The following OR2L13 variants were observed in gnomAD, a reference collection of about 807,000 sequenced individuals.
OR2L13 encodes olfactory receptor family 2 subfamily L member 13.
In OR2L13, 14 loss-of-function variants were observed where a neutral mutation model predicts 15.3. The ratio of observed to expected loss-of-function variants is 0.91; its 90% confidence interval spans 0.60 to 1.43. The LOEUF (loss-of-function observed/expected upper bound fraction) is 1.43, where lower values mean the gene tolerates loss of function less well. Among genes scored for constraint, OR2L13 ranks in the 40% most tolerant of loss-of-function variants. The pLI, the probability that OR2L13 is intolerant of heterozygous loss-of-function variation, is 0.00. For missense variants in OR2L13, 367 were observed against 387.9 expected, an observed-to-expected ratio of 0.95 and a Z score of 0.45; for synonymous variants, 152 against 142.9, an observed-to-expected ratio of 1.06 and a Z score of -0.45.
chr1:248,053,014 C>T, the OR2L13 span, among the ~76,000 whole-genome samples: 1 of 151,802 alleles, frequency 6.6e-6, no homozygotes, highest in Non-Finnish European at 1.5e-5. Flanking sequence ...CATGGGTAAA[C>T]GTGTGCCATG....
the OR2L13 span, among the ~76,000 whole-genome samples, chr1:248,044,903 A>T: frequency 6.7e-6 from 1 of 149,058 alleles, no homozygotes; most frequent in South Asian, 2.1e-4. Flanking sequence ...CCTTCAGCTG[A>T]CCTATGATTA....
chr1:247,993,781 G>GAGAGAGAGAGAGAGAGAA, the OR2L13 span, among the ~76,000 whole-genome samples: 1 of 135,410 alleles, frequency 7.4e-6, no homozygotes, highest in Non-Finnish European at 1.5e-5. Context: ...GAGAGAGAGA[G>GAGAGAGAGAGAGAGAGAA]AGAGAGAGAG....
the OR2L13 span, among the ~76,000 whole-genome samples, chr1:247,960,314 G>T: frequency 1.3e-5 from 2 of 152,316 alleles, no homozygotes; most frequent in Admixed American, 1.3e-4. Flanking sequence ...TTGTCTCAGA[G>T]GAGTACCAGG....
chr1:248,021,172 T>A, the OR2L13 span, among the ~76,000 whole-genome samples: 1 of 152,130 alleles, frequency 6.6e-6, no homozygotes, highest in South Asian at 2.1e-4. Context: ...AACATTCCTA[T>A]CCTTTTGAAG....
At chr1:247,992,103 C>T in the OR2L13 span, among the ~76,000 whole-genome samples, 1 of 149,110 alleles carries the variant, frequency 6.7e-6, no homozygotes, top group Admixed American at 6.6e-5. Context: ...AACCTCTCCT[C>T]CTCTTCCTAC....
chr1:248,026,662 A>G, the OR2L13 span, among the ~76,000 whole-genome samples: 2 of 152,196 alleles, frequency 1.3e-5, no homozygotes, highest in African/African-American at 2.4e-5. Context: ...TGAAGATTTC[A>G]TGGACATTTA....
chr1:248,015,606 C>T, the OR2L13 span, among the ~76,000 whole-genome samples: 1 of 152,090 alleles, frequency 6.6e-6, no homozygotes. Flanking sequence ...TTCAGAGTTT[C>T]AGAACTTTAG....
chr1:248,083,474 A>G, the OR2L13 span: 8 of 634,886 alleles, frequency 1.3e-5, no homozygotes, highest in South Asian at 2.1e-5. Flanking sequence ...ATGCTCAAAA[A>G]TGGTATCTCT....
chr1:248,075,621 T>C, the OR2L13 span, among the ~76,000 whole-genome samples: 1 of 152,246 alleles, frequency 6.6e-6, no homozygotes, highest in African/African-American at 2.4e-5. Context: ...GAGCATTTTT[T>C]CATTTGTCTT....
At chr1:248,060,837 C>T in the OR2L13 span, 36 of 1,613,958 alleles carry the variant, frequency 2.2e-5, no homozygotes, top group South Asian at 1.4e-4. Context: ...TCTTGGACAC[C>T]CATCTCCACA....
chr1:248,094,635 C>T (rs935072336), upstream of OR2L13, among the ~76,000 whole-genome samples: 1 of 152,276 alleles, frequency 6.6e-6, no homozygotes. Flanking sequence ...TCAGCTTTCA[C>T]TTTAGTAGAA....
At chr1:247,987,222 T>G in the OR2L13 span, among the ~76,000 whole-genome samples, 1 of 152,240 alleles carries the variant, frequency 6.6e-6, no homozygotes, top group Non-Finnish European at 1.5e-5. Flanking sequence ...TATTGTTGCA[T>G]GCTGCAATTT....
chr1:248,022,377 A>G, the OR2L13 span: 2 of 1,614,034 alleles, frequency 1.2e-6, no homozygotes, highest in Non-Finnish European at 1.7e-6. Flanking sequence ...TGTGCTGATG[A>G]TAACAGGATC....
At chr1:248,082,253 A>G in the OR2L13 span, among the ~76,000 whole-genome samples, 1 of 144,656 alleles carries the variant, frequency 6.9e-6, no homozygotes, top group African/African-American at 2.6e-5. Context: ...CAAAAAACCA[A>G]ACACCACATA....
the OR2L13 span, among the ~76,000 whole-genome samples, chr1:247,997,766 G>A: frequency 3.9e-5 from 6 of 152,122 alleles, no homozygotes; most frequent in Non-Finnish European, 5.9e-5. Context: ...ATTTCTGAAC[G>A]TTGGACTAAG....
the OR2L13 span, among the ~76,000 whole-genome samples, chr1:248,025,072 G>A: frequency 3.3e-5 from 5 of 151,446 alleles, no homozygotes; most frequent in Non-Finnish European, 7.4e-5. Context: ...CAAAAGCAAT[G>A]GCAACAAAAG....
At chr1:248,081,867 A>G in the OR2L13 span, among the ~76,000 whole-genome samples, 2 of 152,296 alleles carry the variant, frequency 1.3e-5, no homozygotes, top group East Asian at 3.9e-4. Context: ...CTCTATATGA[A>G]GCAGGAAACT....
chr1:247,962,526 G>A, the OR2L13 span, among the ~76,000 whole-genome samples: 2 of 152,168 alleles, frequency 1.3e-5, no homozygotes, highest in Non-Finnish European at 2.9e-5. Context: ...TATCTCATAA[G>A]TATTGAATGG....
the OR2L13 span, among the ~76,000 whole-genome samples, chr1:247,945,820 C>T: frequency 2.0e-5 from 3 of 152,234 alleles, no homozygotes; most frequent in East Asian, 5.8e-4. Context: ...ATTGCTACCC[C>T]TGCTTTTTCC....
Sources: allele counts gnomAD v4.1 joint callset (sites outside exome capture counted in the v4.1 genomes callset), GRCh38; gene constraint gnomAD v4.1.1; transcripts MANE v1.5; gene names NCBI Gene and HGNC (gene_info 2026-07-23, HGNC 2026-07-21).